Variants in CNST observed in about 807,000 individuals in gnomAD.
CNST encodes the protein consortin, connexin sorting protein, also known as consortin.
In CNST, 39 loss-of-function variants were observed where a neutral mutation model predicts 72.4. The observed-to-expected ratio is 0.54, with a 90% CI of 0.42 to 0.70. The LOEUF (loss-of-function observed/expected upper bound fraction) is 0.70. Ranked by LOEUF, CNST falls within the 30% of genes least tolerant of loss-of-function variation. The pLI is 0.00. For synonymous variants in CNST, 332 were observed against 320.1 expected, an observed-to-expected ratio of 1.04 and a Z score of -0.40; for missense variants, 871 against 868.5, an observed-to-expected ratio of 1.00 and a Z score of -0.04.
At chr1:246,661,071 G>C (rs1667076958) in intron 10 of CNST, among the ~76,000 whole-genome samples, 1 of 152,028 alleles carries the variant, frequency 6.6e-6, no homozygotes, top group South Asian at 2.1e-4. Context: ...CCAGGTTCAA[G>C]CAATTCTCCT....
At chr1:246,645,043 A>T (rs1306891682) in intron 8 of CNST, among the ~76,000 whole-genome samples, 1 of 152,116 alleles carries the variant, frequency 6.6e-6, no homozygotes, top group East Asian at 1.9e-4. Flanking sequence ...TATTCTCCCA[A>T]AGGTGACCCC....
At chr1:246,606,481 A>G (rs1662830788) in intron 2 of CNST, 1 of 152,164 alleles carries the variant, frequency 6.6e-6, no homozygotes, top group Non-Finnish European at 1.5e-5. Flanking sequence ...TTCTGTTAAT[A>G]AGTAGTCTAG....
chr1:246,585,556 A>G (rs190364994), intron 1 of CNST, among the ~76,000 whole-genome samples: 49 of 151,156 alleles, frequency 3.2e-4, no homozygotes, highest in Non-Finnish European at 5.5e-4. Flanking sequence ...CTGAGGCGGC[A>G]GAATCACTTG....
intron 1 of CNST, among the ~76,000 whole-genome samples, chr1:246,575,166 G>A (rs927505704): frequency 1.3e-5 from 2 of 152,022 alleles, no homozygotes; most frequent in African/African-American, 4.8e-5. Flanking sequence ...GCTAATTTTT[G>A]TATTTTCAGT....
chr1:246,652,544 A>G (rs1456493914), intron 9 of CNST, among the ~76,000 whole-genome samples: 3 of 152,196 alleles, frequency 2.0e-5, no homozygotes, highest in Non-Finnish European at 4.4e-5. Flanking sequence ...TAAACCATTC[A>G]TTTTTCTTCA....
intron 8 of CNST, among the ~76,000 whole-genome samples, chr1:246,642,540 G>A (rs918738275): frequency 6.6e-6 from 1 of 151,808 alleles, no homozygotes; most frequent in East Asian, 1.9e-4. Flanking sequence ...TAGTTTGTAT[G>A]TATACATTTC....
chr1:246,600,725 T>C (rs559701465), intron 2 of CNST, among the ~76,000 whole-genome samples: 2 of 152,266 alleles, frequency 1.3e-5, no homozygotes, highest in Admixed American at 6.5e-5. Flanking sequence ...GAAGACAGTG[T>C]TGTGCTTTTG....
At chr1:246,621,378 C>A (rs763293106) in intron 2 of CNST, 51 bp from the exon 3 acceptor site, 19 of 1,375,818 alleles carry the variant, frequency 1.4e-5, no homozygotes, top group Non-Finnish European at 2.0e-5. Flanking sequence ...TAATGTGTTA[C>A]ACCATCATGG....
chr1:246,620,494 G>A (rs12729122), intron 2 of CNST, among the ~76,000 whole-genome samples: 1,103 of 6,904 alleles, frequency 0.16, 11 homozygotes, highest in East Asian at 0.42. Flanking sequence ...CGGCTTCATC[G>A]TGGTGCATAC....
At chr1:246,647,005 T>C in intron 8 of CNST, 134 bp from the exon 9 acceptor site, 1 of 777,832 alleles carries the variant, frequency 1.3e-6, no homozygotes, top group Non-Finnish European at 2.0e-6. Context: ...AAGACACTAT[T>C]ATGCAACAGA....
intron 1 of CNST, among the ~76,000 whole-genome samples, chr1:246,583,924 A>C (rs1660965346): frequency 6.6e-6 from 1 of 152,182 alleles, no homozygotes; most frequent in African/African-American, 2.4e-5. Context: ...AATATATGTG[A>C]ATTTGCCTGT....
intron 10 of CNST, among the ~76,000 whole-genome samples, chr1:246,665,160 A>G (rs1026558129): frequency 6.6e-6 from 1 of 152,166 alleles, no homozygotes; most frequent in South Asian, 2.1e-4. Flanking sequence ...ACTTGAGGCC[A>G]GGAGTTCAAG....
chr1:246,576,754 A>G (rs1235572503), intron 1 of CNST, among the ~76,000 whole-genome samples: 1 of 151,984 alleles, frequency 6.6e-6, no homozygotes, highest in African/African-American at 2.4e-5. Context: ...TCAGCCTTCC[A>G]AAGTGCTGGG....
chr1:246,577,957 A>G (rs1236209288), intron 1 of CNST, among the ~76,000 whole-genome samples: 1 of 151,570 alleles, frequency 6.6e-6, no homozygotes, highest in Non-Finnish European at 1.5e-5. Context: ...GTTTCCTACC[A>G]GATAATACTT....
intron 8 of CNST, among the ~76,000 whole-genome samples, chr1:246,645,375 C>T (rs1022806991): frequency 6.6e-6 from 1 of 150,684 alleles, no homozygotes; most frequent in Non-Finnish European, 1.5e-5. Flanking sequence ...TCACCTTTGG[C>T]TCATTATTTA....
In CNST at chr1:246,647,842, T is replaced by C. The variant is rs1404866338; in HGVS notation, c.1641T>C (p.Tyr547=). ...DDQLNKETED[Y]LNSLLEGCLK... ...AACTCAACAAAGAAACAGAAGACTA[T>C]TTGAACAGCCTTTTAGAAGGATGTT... The change falls in exon 9 of 11, where the codon TAT becomes TAC. Residue 547 remains tyrosine, a synonymous_variant. Coordinates refer to ENST00000366513, the MANE Select transcript of CNST (RefSeq NM_152609.3). 1 of 1,614,186 alleles carries C rather than the reference T, an allele frequency of 6.2e-7. No homozygotes were observed. Among genetic ancestry groups the C allele is most frequent in the African/African-American group, 1.3e-5 (1 of 75,046 alleles).
chr1:246,632,129 C>A, intron 4 of CNST: 2 of 450,626 alleles, frequency 4.4e-6, no homozygotes, highest in South Asian at 4.7e-5. Context: ...CTAGAACCAT[C>A]CAAAGTTTAC....
Position 246,667,027 on chromosome 1 carries a change from A to C in CNST, c.*1122A>C, listed in dbSNP as rs1376706921. ...CATACCTTCCATAGACAAATGTCTG[A>C]TTTTTGTTTAAATCTGTCCGTTAGG... On this transcript the variant is annotated 3_prime_UTR_variant, in exon 11 of 11. Coordinates refer to ENST00000366513, the MANE Select transcript of CNST (RefSeq NM_152609.3). The C allele has an allele frequency of 6.6e-6, 1 of 152,050 alleles. No individual in the cohort carries two copies. The highest frequency in any genetic ancestry group is 1.5e-5 in the Non-Finnish European group (1 of 68,012). The allele number at this position is 152,050 out of a possible 1,614,324, so 9.4% of individuals were successfully genotyped here.
At position 246,576,653 on chromosome 1, in the gene CNST, G is replaced by C. The variant is rs547944872; in HGVS notation, c.-52+9990G>C. ...TGGGACCGCAGGCATGTTACCACGC[G>C]CGGCACATTTTTGTATTTTTAATAG... On this transcript the variant is annotated intron_variant, in intron 1 of 10. Coordinates refer to ENST00000366513, the MANE Select transcript of CNST (RefSeq NM_152609.3). Among the ~76,000 whole-genome samples, 73 of 151,460 alleles carry C rather than the reference G, an allele frequency of 4.8e-4. 1 individual carries two copies. The highest frequency in any genetic ancestry group is 1.7e-3 in the African/African-American group (70 of 41,120).
Sources: gnomAD v4.1 joint callset for allele counts (sites outside exome capture counted in the v4.1 genomes callset) on GRCh38, gnomAD v4.1.1 for gene constraint, MANE v1.5 for transcripts, NCBI Gene and HGNC (gene_info 2026-07-23, HGNC 2026-07-21) for gene names.